Variants in TCAF1 observed in about 807,000 individuals in gnomAD.
The protein encoded by TCAF1 is TRPM8 channel-associated factor 1.
TCAF1 carries 4 observed loss-of-function variants against 27.3 expected under a neutral mutation model. The observed-to-expected ratio is 0.15, with a 90% confidence interval of 0.07 to 0.34. The LOEUF (loss-of-function observed/expected upper bound fraction) is 0.34, where lower values mean the gene tolerates loss of function less well. TCAF1 is among the 10% of genes least tolerant of loss of function. TCAF1 has a pLI of 1.00. For missense variants in TCAF1, 257 were observed against 425.8 expected, an observed-to-expected ratio of 0.60 and a Z score of 3.49; for synonymous variants, 105 against 167.1, an observed-to-expected ratio of 0.63 and a Z score of 2.87.
At chr7:143,894,000 G>C (rs748292404) in intron 1 of TCAF1, among the ~76,000 whole-genome samples, 2 of 151,520 alleles carry the variant, frequency 1.3e-5, no homozygotes, top group Non-Finnish European at 3.0e-5. Context: ...TCAATAAAGA[G>C]ACACAGAGAG....
intron 1 of TCAF1, among the ~76,000 whole-genome samples, chr7:143,881,701 T>G (rs894659563): frequency 4.6e-5 from 7 of 152,108 alleles, no homozygotes; most frequent in Non-Finnish European, 5.9e-5. Flanking sequence ...ATCCTCCCCA[T>G]TCAGCCCCTC....
chr7:143,880,921 C>T (rs770310233), intron 1 of TCAF1, among the ~76,000 whole-genome samples: 1 of 152,246 alleles, frequency 6.6e-6, no homozygotes, highest in Non-Finnish European at 1.5e-5. Flanking sequence ...CCTTTCATTT[C>T]TCTCCCTAAC....
chr7:143,893,216 A>G (rs1434455056), intron 1 of TCAF1, among the ~76,000 whole-genome samples: 1 of 152,188 alleles, frequency 6.6e-6, no homozygotes, highest in Non-Finnish European at 1.5e-5. Flanking sequence ...TCAATTCAGT[A>G]CAGCAATACA....
At chr7:143,888,873 T>C (rs1813529122) in intron 1 of TCAF1, among the ~76,000 whole-genome samples, 2 of 152,070 alleles carry the variant, frequency 1.3e-5, no homozygotes, top group African/African-American at 4.8e-5. Flanking sequence ...AATTTAGATA[T>C]CAGAATTACT....
At chr7:143,885,557 C>A in intron 1 of TCAF1, 1 of 985,294 alleles carries the variant, frequency 1.0e-6, no homozygotes, top group Non-Finnish European at 1.2e-6. Context: ...CAAAGTAAAT[C>A]GTTGAGACTG....
At chr7:143,894,234 CAA>C (rs1390720740) in intron 1 of TCAF1, among the ~76,000 whole-genome samples, 1 of 151,666 alleles carries the variant, frequency 6.6e-6, no homozygotes, top group African/African-American at 2.4e-5. Flanking sequence ...AAACATTCTG[CAA>C]AAAAGTTTAG....
At chr7:143,887,519 A>G (rs1813465448) in intron 1 of TCAF1, among the ~76,000 whole-genome samples, 2 of 152,318 alleles carry the variant, frequency 1.3e-5, no homozygotes, top group South Asian at 4.1e-4. Flanking sequence ...TTTGCAACGC[A>G]AAATAAGACT....
chr7:143,879,958 C>T (rs141054755), intron 1 of TCAF1, among the ~76,000 whole-genome samples: 17 of 152,258 alleles, frequency 1.1e-4, no homozygotes, highest in African/African-American at 3.9e-4. Flanking sequence ...TAGTTGTTTT[C>T]TGAGCTAGTT....
At chr7:143,860,007 TATATA>T (rs1213867156) in intron 6 of TCAF1, among the ~76,000 whole-genome samples, 196 bp downstream of exon 6, 4 of 35,296 alleles carry the variant, frequency 1.1e-4, no homozygotes, top group African/African-American at 2.8e-4. Context: ...ATATAATATA[TATATA>T]ATATATATTA....
At chr7:143,859,929 A>ATAATATATATTATG (rs1811834272) in intron 6 of TCAF1, among the ~76,000 whole-genome samples, 1 of 29,498 alleles carries the variant, frequency 3.4e-5, no homozygotes, top group African/African-American at 1.1e-4. Context: ...TATATATTAT[A>ATAATATATATTATG]TAATATATAT....
chr7:143,897,575 C>A (rs988018677), intron 1 of TCAF1, among the ~76,000 whole-genome samples: 3 of 151,900 alleles, frequency 2.0e-5, no homozygotes, highest in African/African-American at 7.3e-5. Context: ...CCCGACTGCT[C>A]CATTGTTCAA....
At chr7:143,881,388 C>A (rs898972750) in intron 1 of TCAF1, among the ~76,000 whole-genome samples, 4 of 151,634 alleles carry the variant, frequency 2.6e-5, no homozygotes, top group African/African-American at 9.7e-5. Flanking sequence ...CATAGGTCTT[C>A]TCTCCTTCAT....
At chr7:143,875,147 C>T (rs1202890764) in intron 2 of TCAF1, among the ~76,000 whole-genome samples, 3 of 152,186 alleles carry the variant, frequency 2.0e-5, no homozygotes, top group Non-Finnish European at 4.4e-5. Context: ...TACCTTGCTC[C>T]ATTCCCATCA....
At position 143,876,019 on chromosome 7, in the gene TCAF1, T is replaced by C. The variant is rs922865897; in HGVS notation, c.590A>G (p.Lys197Arg). Residue 197 changes from lysine (K) to arginine (R), a missense_variant, in exon 2 of 9, where the codon AAG becomes AGG. Lys to Arg is a conservative substitution (Grantham distance 26, BLOSUM62 2). Transcript: ENST00000479870. ...KGDTSFFKVS[K>R]KMPKIPVLVS... is the part of the protein sequence containing the mutation. Reference sequence around the variant, plus strand: ...CAACACTGGGATCTTGGGCATCTTCTTGGAGACTTTAAAGAAACTCGTGTC... The same window carrying C: ...CAACACTGGGATCTTGGGCATCTTCCTGGAGACTTTAAAGAAACTCGTGTC... The C allele has an allele frequency of 6.4e-7, 1 of 1,569,710 alleles. No homozygotes were observed. Among genetic ancestry groups the C allele is most frequent in the African/African-American group, 1.4e-5 (1 of 73,724 alleles).
At chr7:143,881,122 C>T (rs1812994572) in intron 1 of TCAF1, among the ~76,000 whole-genome samples, 2 of 152,148 alleles carry the variant, frequency 1.3e-5, no homozygotes, top group African/African-American at 2.4e-5. Context: ...TTGAGAGATG[C>T]GTGGAAGGGC....
intron 1 of TCAF1, chr7:143,885,666 ACT>A: frequency 7.8e-6 from 4 of 516,032 alleles, no homozygotes; most frequent in Non-Finnish European, 1.0e-5. Context: ...ATATAAATCT[ACT>A]TATATATTGC....
At chr7:143,877,001 G>A (rs541018868) in intron 1 of TCAF1, among the ~76,000 whole-genome samples, 1 of 152,134 alleles carries the variant, frequency 6.6e-6, no homozygotes, top group Non-Finnish European at 1.5e-5. Context: ...GATTCAAATG[G>A]GTCATAGTCC....
intron 1 of TCAF1, chr7:143,884,918 G>C: frequency 1.2e-6 from 1 of 814,714 alleles, no homozygotes; most frequent in East Asian, 1.3e-4. Flanking sequence ...AAAGAAATAA[G>C]AGACTGGTAG....
At chr7:143,882,337 C>T (rs910090400) in intron 1 of TCAF1, 4 of 947,484 alleles carry the variant, frequency 4.2e-6, no homozygotes, top group Admixed American at 6.2e-5. Flanking sequence ...AATGCTCTGT[C>T]ACCAGCTACC....
Sources: gnomAD v4.1 joint callset for allele counts (sites outside exome capture counted in the v4.1 genomes callset) on GRCh38, gnomAD v4.1.1 for gene constraint, MANE v1.5 for transcripts, NCBI Gene and HGNC (gene_info 2026-07-23, HGNC 2026-07-21) for gene names.